The following CNTNAP4 variants were observed in gnomAD, a reference collection of about 807,000 sequenced individuals.
The protein encoded by CNTNAP4 is contactin-associated protein-like 4.
In CNTNAP4, 98 loss-of-function variants were observed where a neutral mutation model predicts 148.4. That is an observed-to-expected ratio of 0.66 (90% CI 0.56 to 0.78). The LOEUF is 0.78. CNTNAP4 is among the 30% of genes least tolerant of loss of function. CNTNAP4 has a pLI of 0.00. For synonymous variants in CNTNAP4, 730 were observed against 565.1 expected, an observed-to-expected ratio of 1.29 and a Z score of -4.14; for missense variants, 1,935 against 1,565.6, an observed-to-expected ratio of 1.24 and a Z score of -3.98.
At chr16:76,370,390 G>T (rs943276679) in intron 3 of CNTNAP4, among the ~76,000 whole-genome samples, 3 of 152,146 alleles carry the variant, frequency 2.0e-5, no homozygotes, top group South Asian at 2.1e-4. Flanking sequence ...TGCAAGGACT[G>T]CCCTATAGAA....
chr16:76,536,132 G>A (rs759874840), intron 18 of CNTNAP4, among the ~76,000 whole-genome samples: 1 of 151,890 alleles, frequency 6.6e-6, no homozygotes, highest in African/African-American at 2.4e-5. Flanking sequence ...TAAATAATAT[G>A]GCTGTCAGCA....
chr16:76,415,939 T>A (rs1474793680), intron 3 of CNTNAP4, among the ~76,000 whole-genome samples: 2 of 151,268 alleles, frequency 1.3e-5, no homozygotes, highest in Non-Finnish European at 3.0e-5. Flanking sequence ...TGTTTTTTTT[T>A]TTTAACTCTG....
chr16:76,507,845 G>C lies in CNTNAP4; in HGVS notation c.2365+9151G>C, dbSNP rs1245979912. The stretch of plus-strand genomic sequence containing the variant: ...ACTTCAGTGAATCTTGCAACACAAA[G>C]GGAGTTCCTGGACCACGATGGCATC... On this transcript the variant is annotated intron_variant, in intron 15 of 23. Coordinates refer to ENST00000611870, the MANE Select transcript of CNTNAP4 (RefSeq NM_033401.5). 2.1e-5 allele frequency among the ~76,000 whole-genome samples: 2 copies of C among 97,330 alleles called. 1 individual carries two copies. The highest frequency in any genetic ancestry group is 5.8e-5 in the Non-Finnish European group (2 of 34,256). 63.9% of individuals were successfully genotyped at this position (97,330 alleles called of 152,430 possible).
At chr16:76,505,033 C>T (rs1039060046) in intron 15 of CNTNAP4, among the ~76,000 whole-genome samples, 1 of 152,124 alleles carries the variant, frequency 6.6e-6, no homozygotes, top group African/African-American at 2.4e-5. Context: ...CAAAATGGTA[C>T]ATACTGCTTT....
chr16:76,353,838 A>C (rs1280449569), intron 2 of CNTNAP4, among the ~76,000 whole-genome samples: 1 of 152,160 alleles, frequency 6.6e-6, no homozygotes, highest in Non-Finnish European at 1.5e-5. Flanking sequence ...AATAATCTTG[A>C]AGTCTTATAA....
intron 8 of CNTNAP4, among the ~76,000 whole-genome samples, chr16:76,455,252 A>T (rs1337518155): frequency 3.3e-5 from 5 of 152,168 alleles, no homozygotes; most frequent in African/African-American, 1.2e-4. Flanking sequence ...TTTGATATCA[A>T]ATTTGAGATT....
At chr16:76,510,802 G>C (rs564756337) in intron 15 of CNTNAP4, among the ~76,000 whole-genome samples, 17 of 152,216 alleles carry the variant, frequency 1.1e-4, no homozygotes, top group African/African-American at 3.1e-4. Context: ...TAACACTTCA[G>C]AAGTAAACTA....
chr16:76,521,069 TG>T, intron 15 of CNTNAP4, 70 bp from the exon 16 acceptor site: 1 of 1,360,520 alleles, frequency 7.4e-7, no homozygotes, highest in Non-Finnish European at 1.0e-6. Flanking sequence ...AACATGTAAT[TG>T]TCATTCATTT....
In CNTNAP4 at chr16:76,492,380, T is replaced by C. The variant is rs200687753; in HGVS notation, c.2080+2497T>C. On this transcript the variant is annotated intron_variant, in intron 13 of 23. Transcript: ENST00000611870. ...GCACACCTTAAATGTGTACAATTTTTATTTGTCAATTTTACTGCGAAGCTG... is the reference window on the plus strand; with the variant it reads ...GCACACCTTAAATGTGTACAATTTTCATTTGTCAATTTTACTGCGAAGCTG... 2.6e-5 allele frequency among the ~76,000 whole-genome samples: 4 copies of C among 152,212 alleles called. No individual in the cohort carries two copies. In the East Asian group the frequency reaches 7.7e-4, roughly 29 times the overall value.
chr16:76,340,653 T>A (rs1468156574), intron 2 of CNTNAP4, among the ~76,000 whole-genome samples: 1 of 152,216 alleles, frequency 6.6e-6, no homozygotes, highest in East Asian at 1.9e-4. Context: ...GGGAGTTTCC[T>A]ATGTGCCAAC....
At chr16:76,365,281 T>G (rs190157775) in intron 3 of CNTNAP4, among the ~76,000 whole-genome samples, 86 of 152,336 alleles carry the variant, frequency 5.6e-4, no homozygotes, top group African/African-American at 2.1e-3. Context: ...ACTGTAGCCT[T>G]GTAGTATAGT....
chr16:76,462,545 T>C (rs1313701411), intron 9 of CNTNAP4, among the ~76,000 whole-genome samples: 3 of 152,178 alleles, frequency 2.0e-5, no homozygotes, highest in Non-Finnish European at 4.4e-5. Context: ...TAATTTAACT[T>C]AATCAGCCCC....
intron 4 of CNTNAP4, among the ~76,000 whole-genome samples, chr16:76,438,606 C>A (rs897547893): frequency 2.0e-5 from 3 of 152,058 alleles, no homozygotes; most frequent in African/African-American, 7.2e-5. Flanking sequence ...TTCACAGGGT[C>A]TAGGTGATCA....
intron 3 of CNTNAP4, among the ~76,000 whole-genome samples, chr16:76,402,439 C>A (rs1257107460): frequency 6.7e-6 from 1 of 150,362 alleles, no homozygotes; most frequent in Admixed American, 6.6e-5. Flanking sequence ...TCTCTTTTTT[C>A]TTCTTTATTA....
At chr16:76,376,442 T>C (rs2015420510) in intron 3 of CNTNAP4, among the ~76,000 whole-genome samples, 2 of 152,206 alleles carry the variant, frequency 1.3e-5, no homozygotes, top group African/African-American at 4.8e-5. Context: ...AGACATGTCT[T>C]CTTATTATAA....
intron 15 of CNTNAP4, among the ~76,000 whole-genome samples, chr16:76,518,101 G>C (rs1388972932): frequency 6.6e-6 from 1 of 151,780 alleles, no homozygotes; most frequent in Non-Finnish European, 1.5e-5. Flanking sequence ...AAGATAAAAG[G>C]TAGGGTTTCT....
rs542665136 is a variant in CNTNAP4, at chr16:76,539,297, C to T, written c.3221-422C>T. 4.6e-5 allele frequency among the ~76,000 whole-genome samples: 7 copies of T among 152,058 alleles called. No homozygotes were observed. The South Asian group carries it at 1.5e-3, about 32-fold the overall frequency. On this transcript the variant is annotated intron_variant, in intron 19 of 23. Coordinates refer to ENST00000611870, the MANE Select transcript of CNTNAP4 (RefSeq NM_033401.5). ...GACATATTTCTTCTCTTTAGTAAAA[C>T]TACATTTGTGTTTAATAATTTCATT...
At position 76,365,751 on chromosome 16, in the gene CNTNAP4, CAAAA is replaced by C. The variant is rs35586454; in HGVS notation, c.390+10256_390+10259del. The stretch of plus-strand genomic sequence containing the variant: ...TGGGGGACAGAGTGAGACTCCGTCT[CAAAA>C]AAAAAAAAAAAAAAACCTAAGAGAA... On this transcript the variant is annotated intron_variant, in intron 3 of 23. Coordinates refer to ENST00000611870, the MANE Select transcript of CNTNAP4 (RefSeq NM_033401.5). 9.2e-3 allele frequency among the ~76,000 whole-genome samples: 919 copies of C among 100,040 alleles called. 10 individuals carry two copies. Among genetic ancestry groups the C allele is most frequent in the African/African-American group, 0.036 (878 of 24,674 alleles). The allele number at this position is 100,040 out of a possible 152,430, so 65.6% of individuals were successfully genotyped here.
intron 1 of CNTNAP4, among the ~76,000 whole-genome samples, chr16:76,300,697 G>A (rs551766023): frequency 7.0e-4 from 107 of 152,144 alleles, no homozygotes; most frequent in Non-Finnish European, 1.3e-3. Flanking sequence ...AAGATTTAAC[G>A]TGGTTGAGAT....
Sources: allele counts gnomAD v4.1 joint callset (sites outside exome capture counted in the v4.1 genomes callset), GRCh38; gene constraint gnomAD v4.1.1; transcripts MANE v1.5; gene names NCBI Gene and HGNC (gene_info 2026-07-23, HGNC 2026-07-21).